The following ADAMTS20 variants were observed in gnomAD, a reference collection of about 807,000 sequenced individuals.
ADAMTS20 encodes the protein ADAM metallopeptidase with thrombospondin type 1 motif 20, also known as A disintegrin and metalloproteinase with thrombospondin motifs 20.
Under a neutral mutation model 260.1 loss-of-function variants are expected in ADAMTS20, and 225 were observed. The observed-to-expected ratio is 0.87, with a 90% CI of 0.78 to 0.97. The LOEUF (loss-of-function observed/expected upper bound fraction) is 0.97. Among genes scored for constraint, ADAMTS20 ranks in the 50% least tolerant of loss-of-function variants. The probability of loss-of-function intolerance (pLI) is 0.00; values close to 1 mark genes in which losing one functional copy is unlikely to be tolerated. For missense variants in ADAMTS20, 2,400 were observed against 2,337.7 expected, an observed-to-expected ratio of 1.03 and a Z score of -0.55; for synonymous variants, 802 against 769.5, an observed-to-expected ratio of 1.04 and a Z score of -0.70.
At position 43,377,471 on chromosome 12, in the gene ADAMTS20, C is replaced by T. The variant is rs112430320; in HGVS notation, c.4889G>A (p.Arg1630Gln). Reference sequence around the variant, plus strand: ...AGGGCATTCTTGATAAACTATAGGCCGAAGTCGATGGAGCTTATGTTTCTT... The same window carrying T: ...AGGGCATTCTTGATAAACTATAGGCTGAAGTCGATGGAGCTTATGTTTCTT... ...STKKHKLHRL[R>Q]PIVYQECPVV... Residue 1630 changes from arginine to glutamine, a missense_variant, in exon 32 of 39, where the codon CGG becomes CAG. By Grantham distance (43) the Arg-to-Gln change is conservative. Coordinates refer to ENST00000389420, the MANE Select transcript of ADAMTS20 (RefSeq NM_025003.5). 46 of 1,613,182 alleles carry T rather than the reference C, an allele frequency of 2.9e-5. No homozygotes were observed. The highest frequency in any genetic ancestry group is 1.5e-4 in the African/African-American group (11 of 74,766).
At chr12:43,437,682 C>T (rs1277189008) in intron 18 of ADAMTS20, among the ~76,000 whole-genome samples, 3 of 152,104 alleles carry the variant, frequency 2.0e-5, no homozygotes, top group Non-Finnish European at 4.4e-5. Context: ...AAAATATTCT[C>T]TTCTCAAGAA....
At chr12:43,420,290 C>A (rs774974520) in intron 28 of ADAMTS20, among the ~76,000 whole-genome samples, 1 of 152,012 alleles carries the variant, frequency 6.6e-6, no homozygotes, top group African/African-American at 2.4e-5. Flanking sequence ...TTTTAGTGAC[C>A]ATTACGATGT....
At chr12:43,532,287 C>A (rs1565584601) in intron 2 of ADAMTS20, 92 bp from the exon 3 acceptor site, 2 of 1,132,882 alleles carry the variant, frequency 1.8e-6, no homozygotes, top group African/African-American at 1.6e-5. Context: ...CAGACAGAAG[C>A]AAAACAGCAA....
chr12:43,465,567 A>G (rs547636620), intron 9 of ADAMTS20, among the ~76,000 whole-genome samples: 4 of 152,198 alleles, frequency 2.6e-5, no homozygotes, highest in East Asian at 1.9e-4. Flanking sequence ...ATTAAAATAA[A>G]TCTTTTTTGA....
intron 14 of ADAMTS20, among the ~76,000 whole-genome samples, chr12:43,448,871 C>A (rs1257489530): frequency 3.9e-5 from 6 of 151,924 alleles, no homozygotes; most frequent in Admixed American, 3.9e-4. Context: ...ATGCAGCCAA[C>A]AAGCCTACAA....
At chr12:43,497,581 C>T (rs1565572436) in intron 4 of ADAMTS20, among the ~76,000 whole-genome samples, 1 of 151,916 alleles carries the variant, frequency 6.6e-6, no homozygotes. Context: ...ATGCAGAGCA[C>T]TAAATTGAAG....
chr12:43,471,204 C>A (rs556326046), intron 7 of ADAMTS20, among the ~76,000 whole-genome samples: 1 of 152,202 alleles, frequency 6.6e-6, no homozygotes, highest in South Asian at 2.1e-4. Context: ...GTTCCCTTTC[C>A]GAGTCAAAGA....
At chr12:43,421,857 T>G (rs1247123337) in intron 28 of ADAMTS20, among the ~76,000 whole-genome samples, 1 of 152,008 alleles carries the variant, frequency 6.6e-6, no homozygotes, top group Non-Finnish European at 1.5e-5. Flanking sequence ...TGAAAACATA[T>G]ACTATTCAAC....
chr12:43,408,614 A>G (rs946021056), intron 28 of ADAMTS20, among the ~76,000 whole-genome samples: 4 of 152,194 alleles, frequency 2.6e-5, no homozygotes, highest in Non-Finnish European at 5.9e-5. Context: ...TTGAAAAGAG[A>G]AATGTCAGAG....
chr12:43,427,828 A>G (rs190944971), intron 26 of ADAMTS20, among the ~76,000 whole-genome samples: 66 of 152,300 alleles, frequency 4.3e-4, no homozygotes, highest in Admixed American at 1.4e-3. Flanking sequence ...TTTATTTTGT[A>G]TTATGAATGT....
intron 16 of ADAMTS20, 70 bp from the exon 17 acceptor site, chr12:43,440,139 CTTTTT>C (rs35606718): frequency 3.3e-3 from 1,806 of 553,722 alleles, no homozygotes; most frequent in East Asian, 4.9e-3. Context: ...ACTTGTTTAA[CTTTTT>C]TTTTTTTTTT....
intron 7 of ADAMTS20, among the ~76,000 whole-genome samples, chr12:43,469,501 C>T (rs1019681559): frequency 1.6e-4 from 24 of 152,092 alleles, no homozygotes; most frequent in Admixed American, 6.5e-5. Context: ...TACTTCACCA[C>T]CAATCATGTT....
intron 36 of ADAMTS20, 47 bp from the exon 37 acceptor site, chr12:43,369,428 A>G (rs1940058946): frequency 8.8e-7 from 1 of 1,133,782 alleles, no homozygotes; most frequent in Non-Finnish European, 1.2e-6. Context: ...CAATAATGCA[A>G]TCGTTGTTGT....
chr12:43,482,703 A>G (rs2137415426), intron 7 of ADAMTS20, among the ~76,000 whole-genome samples: 1 of 152,268 alleles, frequency 6.6e-6, no homozygotes, highest in East Asian at 1.9e-4. Flanking sequence ...CTGGTAGCAT[A>G]ACACAAAAGA....
chr12:43,515,545 C>T (rs1942989033), intron 3 of ADAMTS20, among the ~76,000 whole-genome samples: 1 of 152,100 alleles, frequency 6.6e-6, no homozygotes, highest in Non-Finnish European at 1.5e-5. Flanking sequence ...ACAGCATTCT[C>T]ATATGAAATG....
intron 3 of ADAMTS20, among the ~76,000 whole-genome samples, chr12:43,515,173 T>C (rs974699494): frequency 9.9e-5 from 15 of 152,200 alleles, no homozygotes; most frequent in African/African-American, 3.6e-4. Flanking sequence ...AGAAATACCA[T>C]TGAGATAATT....
At chr12:43,438,115 T>G (rs901983693) in intron 18 of ADAMTS20, among the ~76,000 whole-genome samples, 1 of 152,086 alleles carries the variant, frequency 6.6e-6, no homozygotes, top group Non-Finnish European at 1.5e-5. Context: ...GTAAAAGAAA[T>G]AATAGTTGCT....
At chr12:43,505,181 A>T (rs934807794) in intron 3 of ADAMTS20, among the ~76,000 whole-genome samples, 1 of 152,014 alleles carries the variant, frequency 6.6e-6, no homozygotes, top group Non-Finnish European at 1.5e-5. Flanking sequence ...AGATATTAAA[A>T]CTCCTAGAAG....
chr12:43,426,962 A>G (rs944596404), intron 27 of ADAMTS20, among the ~76,000 whole-genome samples: 1 of 152,194 alleles, frequency 6.6e-6, no homozygotes, highest in Non-Finnish European at 1.5e-5. Flanking sequence ...ACTTGAGGCC[A>G]GGAGTTTGAG....
Sources: allele counts gnomAD v4.1 joint callset (sites outside exome capture counted in the v4.1 genomes callset), GRCh38; gene constraint gnomAD v4.1.1; transcripts MANE v1.5; gene names NCBI Gene and HGNC (gene_info 2026-07-23, HGNC 2026-07-21).